Variants in HDAC9 observed in about 807,000 individuals in gnomAD.
The protein encoded by HDAC9 is MEF-2 interacting transcription repressor (MITR) protein.
In HDAC9, 41 loss-of-function variants were observed where a neutral mutation model predicts 139.4. That is an observed-to-expected ratio of 0.29 (90% confidence interval 0.23 to 0.38). HDAC9 has a LOEUF of 0.38. Ranked by LOEUF, HDAC9 falls within the 10% of genes least tolerant of loss-of-function variation. HDAC9 has a pLI of 1.00. For synonymous variants in HDAC9, 517 were observed against 476.2 expected (o/e 1.09, Z -1.12); for missense variants, 1,147 against 1,297.0 (o/e 0.88, Z 1.78).
intron 2 of HDAC9, among the ~76,000 whole-genome samples, chr7:18,544,898 C>T (rs941480057): frequency 6.6e-6 from 1 of 152,208 alleles, no homozygotes; most frequent in South Asian, 2.1e-4. Flanking sequence ...GTGAACCTCA[C>T]ATAGGAGTGA....
At chr7:18,879,791 A>G (rs1799589321) in intron 22 of HDAC9, among the ~76,000 whole-genome samples, 1 of 152,314 alleles carries the variant, frequency 6.6e-6, no homozygotes, top group East Asian at 1.9e-4. Flanking sequence ...CAATCCCAAC[A>G]AAAGCAAAAA....
chr7:18,454,109 G>T (rs564659720), intron 1 of HDAC9, among the ~76,000 whole-genome samples: 3 of 152,058 alleles, frequency 2.0e-5, no homozygotes, highest in South Asian at 4.1e-4. Context: ...GTTAATTATG[G>T]AATTACTAAA....
At chr7:18,884,302 G>T (rs1221001017) in intron 22 of HDAC9, among the ~76,000 whole-genome samples, 1 of 152,132 alleles carries the variant, frequency 6.6e-6, no homozygotes, top group Non-Finnish European at 1.5e-5. Flanking sequence ...AACAGCTACT[G>T]TGAAACTGTA....
chr7:18,724,086 G>T (rs1584917635), intron 12 of HDAC9, among the ~76,000 whole-genome samples: 1 of 152,274 alleles, frequency 6.6e-6, no homozygotes, highest in East Asian at 1.9e-4. Context: ...CCTTGCATTT[G>T]TCACCTGGTT....
At chr7:18,254,972 G>T (rs1199623198) in intron 2 of HDAC9, among the ~76,000 whole-genome samples, 1 of 152,026 alleles carries the variant, frequency 6.6e-6, no homozygotes, top group Non-Finnish European at 1.5e-5. Flanking sequence ...ATGAATATAT[G>T]CTTTTTATAT....
chr7:18,494,796 C>CAT, upstream of HDAC9, among the ~76,000 whole-genome samples: 1 of 152,090 alleles, frequency 6.6e-6, no homozygotes, highest in East Asian at 1.9e-4. Flanking sequence ...GGGTACTAAC[C>CAT]ATATATATGA....
intron 22 of HDAC9, among the ~76,000 whole-genome samples, chr7:18,932,013 C>A (rs1447381810): frequency 1.3e-5 from 2 of 152,098 alleles, no homozygotes; most frequent in Admixed American, 6.5e-5. Context: ...TGCATCGGTA[C>A]TGGCTTATCA....
At chr7:18,772,286 G>T (rs754241375) in intron 16 of HDAC9, among the ~76,000 whole-genome samples, 5 of 151,992 alleles carry the variant, frequency 3.3e-5, no homozygotes, top group Non-Finnish European at 5.9e-5. Context: ...TCTGACAATT[G>T]CACCAAGCTG....
chr7:18,336,080 A>T (rs1356276544), intron 1 of HDAC9, among the ~76,000 whole-genome samples: 2 of 151,626 alleles, frequency 1.3e-5, no homozygotes, highest in African/African-American at 4.8e-5. Context: ...TCTAGTCAGA[A>T]TGGCTGAGAT....
intron 3 of HDAC9, among the ~76,000 whole-genome samples, chr7:18,586,999 A>T (rs112261007): frequency 6.6e-6 from 1 of 152,108 alleles, no homozygotes; most frequent in South Asian, 2.1e-4. Flanking sequence ...AATGAGTAAA[A>T]TGTACATTTT....
chr7:18,779,660 A>C (rs140291948), intron 16 of HDAC9, among the ~76,000 whole-genome samples: 4 of 152,180 alleles, frequency 2.6e-5, no homozygotes, highest in African/African-American at 4.8e-5. Context: ...AGGGCTAAGC[A>C]AGGCTCCCAC....
intron 2 of HDAC9, among the ~76,000 whole-genome samples, chr7:18,210,282 A>G (rs954676074): frequency 1.1e-4 from 16 of 152,200 alleles, no homozygotes; most frequent in African/African-American, 3.4e-4. Flanking sequence ...CTTTGAATTT[A>G]TAATTAGATT....
intron 22 of HDAC9, among the ~76,000 whole-genome samples, chr7:18,903,846 G>C (rs1432341033): frequency 6.6e-6 from 1 of 152,174 alleles, no homozygotes; most frequent in African/African-American, 2.4e-5. Flanking sequence ...AGTCAAGCAT[G>C]CTGTTCTCTC....
chr7:18,668,611 A>AGTCTTTGAATTTAATC, intron 12 of HDAC9: 1 of 983,024 alleles, frequency 1.0e-6, no homozygotes, highest in Non-Finnish European at 1.2e-6. Flanking sequence ...TGAATTTGAT[A>AGTCTTTGAATTTAATC]GTCTTTGAAT....
At chr7:18,690,588 G>C (rs999960373) in intron 12 of HDAC9, among the ~76,000 whole-genome samples, 1 of 151,880 alleles carries the variant, frequency 6.6e-6, no homozygotes, top group African/African-American at 2.4e-5. Flanking sequence ...AAAATGAGAA[G>C]CAGCCGCCTT....
chr7:18,794,353 T>C (rs1792595246), intron 17 of HDAC9, among the ~76,000 whole-genome samples: 1 of 152,234 alleles, frequency 6.6e-6, no homozygotes, highest in Admixed American at 6.5e-5. Context: ...CTTTTCTTTA[T>C]GTCTAGTGAA....
intron 16 of HDAC9, among the ~76,000 whole-genome samples, chr7:18,786,798 T>G (rs1791848043): frequency 1.5e-5 from 1 of 67,128 alleles, no homozygotes; most frequent in Non-Finnish European, 3.1e-5. Flanking sequence ...TTTCTTTCTT[T>G]CCTTCCTTCC....
At chr7:18,177,044 C>G (rs931516826) in intron 2 of HDAC9, among the ~76,000 whole-genome samples, 1 of 152,162 alleles carries the variant, frequency 6.6e-6, no homozygotes, top group African/African-American at 2.4e-5. Flanking sequence ...TCAAAGTAGA[C>G]ATTGTATGTC....
At chr7:18,704,257 G>C (rs1231765978) in intron 12 of HDAC9, among the ~76,000 whole-genome samples, 2 of 152,210 alleles carry the variant, frequency 1.3e-5, no homozygotes, top group Admixed American at 1.3e-4. Flanking sequence ...TGTGTATACT[G>C]TCTCTACTTT....
Sources: gnomAD v4.1 joint callset for allele counts (sites outside exome capture counted in the v4.1 genomes callset) on GRCh38, gnomAD v4.1.1 for gene constraint, MANE v1.5 for transcripts, NCBI Gene and HGNC (gene_info 2026-07-23, HGNC 2026-07-21) for gene names.